LRRTM4: variants seen among roughly 807,000 people sequenced by gnomAD.
The protein encoded by LRRTM4 is leucine-rich repeat transmembrane neuronal protein 4.
In LRRTM4, 25 loss-of-function variants were observed where a neutral mutation model predicts 47.6. The observed-to-expected ratio is 0.53, with a 90% CI of 0.38 to 0.73. The LOEUF (loss-of-function observed/expected upper bound fraction) is 0.73, where lower values mean the gene tolerates loss of function less well. Among genes scored for constraint, LRRTM4 ranks in the 30% least tolerant of loss-of-function variants. LRRTM4 has a pLI of 0.00. For missense variants in LRRTM4, 638 were observed against 713.4 expected, an observed-to-expected ratio of 0.89 and a Z score of 1.20; for synonymous variants, 311 against 269.5, an observed-to-expected ratio of 1.15 and a Z score of -1.51.
chr2:77,022,336 A>T (rs1678303710), intron 3 of LRRTM4, among the ~76,000 whole-genome samples: 1 of 152,114 alleles, frequency 6.6e-6, no homozygotes, highest in African/African-American at 2.4e-5. Flanking sequence ...TTGGATGGGG[A>T]CACAGAGCCA....
At chr2:77,485,453 G>C (rs887783922) in intron 3 of LRRTM4, among the ~76,000 whole-genome samples, 1 of 152,114 alleles carries the variant, frequency 6.6e-6, no homozygotes, top group African/African-American at 2.4e-5. Flanking sequence ...AGAAGAACAA[G>C]ATATTTTTAT....
chr2:77,182,615 A>G (rs977415127), intron 3 of LRRTM4, among the ~76,000 whole-genome samples: 3 of 152,274 alleles, frequency 2.0e-5, no homozygotes, highest in Non-Finnish European at 4.4e-5. Flanking sequence ...TAGATATACA[A>G]TCATGTCATA....
At chr2:76,978,703 T>A (rs1384370689) in intron 3 of LRRTM4, among the ~76,000 whole-genome samples, 1 of 152,086 alleles carries the variant, frequency 6.6e-6, no homozygotes, top group East Asian at 1.9e-4. Context: ...TGCCTGAGTA[T>A]GCATAGCGAG....
chr2:77,373,112 C>A, intron 3 of LRRTM4, among the ~76,000 whole-genome samples: 1 of 140,370 alleles, frequency 7.1e-6, no homozygotes. Flanking sequence ...TATATATACG[C>A]ACACACATAT....
chr2:77,091,132 G>A (rs1004350355), intron 3 of LRRTM4, among the ~76,000 whole-genome samples: 7 of 151,740 alleles, frequency 4.6e-5, no homozygotes, highest in African/African-American at 1.7e-4. Flanking sequence ...TCCCTTATTA[G>A]GCTGAGACAC....
At chr2:76,896,797 A>G (rs992222390) in intron 3 of LRRTM4, among the ~76,000 whole-genome samples, 11 of 149,380 alleles carry the variant, frequency 7.4e-5, no homozygotes, top group African/African-American at 2.7e-4. Context: ...GGTCTGCATG[A>G]GATGTATATG....
intron 3 of LRRTM4, among the ~76,000 whole-genome samples, chr2:77,150,998 A>G (rs780537849): frequency 3.3e-5 from 5 of 152,114 alleles, no homozygotes; most frequent in Non-Finnish European, 5.9e-5. Context: ...CTGAGAAATA[A>G]TTGGTATACG....
chr2:77,452,797 T>TAAAA (rs1369723561), intron 3 of LRRTM4, among the ~76,000 whole-genome samples: 3 of 152,174 alleles, frequency 2.0e-5, no homozygotes, highest in Admixed American at 6.5e-5. Context: ...ATAACTAAAA[T>TAAAA]GATGGCTTTT....
intron 3 of LRRTM4, among the ~76,000 whole-genome samples, chr2:77,392,709 G>A (rs1673550971): frequency 6.6e-6 from 1 of 151,996 alleles, no homozygotes; most frequent in Non-Finnish European, 1.5e-5. Context: ...TTGGTTACCA[G>A]AGGCTGTGGG....
intron 3 of LRRTM4, among the ~76,000 whole-genome samples, chr2:77,387,913 T>C (rs1166328592): frequency 3.3e-5 from 5 of 151,970 alleles, no homozygotes; most frequent in Non-Finnish European, 7.4e-5. Context: ...ACTTCATTGA[T>C]AGTAAAAAAA....
intron 3 of LRRTM4, among the ~76,000 whole-genome samples, chr2:77,291,966 C>A (rs1357452690): frequency 1.3e-5 from 2 of 151,660 alleles, no homozygotes; most frequent in Non-Finnish European, 2.9e-5. Flanking sequence ...GGCTAATATC[C>A]AGAATCTACA....
At chr2:77,278,289 T>A (rs1165891168) in intron 3 of LRRTM4, among the ~76,000 whole-genome samples, 5 of 151,986 alleles carry the variant, frequency 3.3e-5, no homozygotes, top group Admixed American at 6.6e-5. Context: ...TTTCTAAATG[T>A]GAAACATTTC....
intron 3 of LRRTM4, among the ~76,000 whole-genome samples, chr2:77,183,046 G>A (rs1326033684): frequency 1.2e-4 from 18 of 151,986 alleles, no homozygotes; most frequent in South Asian, 2.1e-4. Context: ...TGACTAAAAC[G>A]CCAAAAGCAA....
At chr2:77,175,798 CT>C (rs199607102) in intron 3 of LRRTM4, among the ~76,000 whole-genome samples, 7,952 of 151,974 alleles carry the variant, frequency 0.052, 686 homozygotes, top group African/African-American at 0.18. Context: ...GATGTTGGTT[CT>C]GATCACCTCA....
chr2:77,126,262 T>A (rs1165268077), intron 3 of LRRTM4, among the ~76,000 whole-genome samples: 2 of 152,112 alleles, frequency 1.3e-5, no homozygotes, highest in Non-Finnish European at 2.9e-5. Flanking sequence ...ATAAATAATA[T>A]TCTAAGAGAC....
intron 3 of LRRTM4, among the ~76,000 whole-genome samples, chr2:77,479,899 A>C (rs948352508): frequency 2.0e-5 from 3 of 152,218 alleles, no homozygotes; most frequent in African/African-American, 7.2e-5. Flanking sequence ...ATAATAAAGA[A>C]ATAGGAAAAG....
At chr2:77,066,566 C>G (rs1219399695) in intron 3 of LRRTM4, among the ~76,000 whole-genome samples, 1 of 152,072 alleles carries the variant, frequency 6.6e-6, no homozygotes, top group Non-Finnish European at 1.5e-5. Context: ...AACAGTTTCC[C>G]TTTATTGGAG....
chr2:77,116,063 G>A (rs1671381888), intron 3 of LRRTM4, among the ~76,000 whole-genome samples: 1 of 152,030 alleles, frequency 6.6e-6, no homozygotes, highest in Non-Finnish European at 1.5e-5. Flanking sequence ...CATAGGACTG[G>A]AGCAAAATGG....
chr2:77,014,555 T>C (rs950827961), intron 3 of LRRTM4, among the ~76,000 whole-genome samples: 3 of 151,174 alleles, frequency 2.0e-5, no homozygotes, highest in African/African-American at 7.3e-5. Context: ...CTCATGCCTG[T>C]AATCCCAGCA....
Sources: gnomAD v4.1 joint callset for allele counts (sites outside exome capture counted in the v4.1 genomes callset) on GRCh38, gnomAD v4.1.1 for gene constraint, MANE v1.5 for transcripts, NCBI Gene and HGNC (gene_info 2026-07-23, HGNC 2026-07-21) for gene names.